KCNMA1: variants seen among roughly 807,000 people sequenced by gnomAD.
The protein encoded by KCNMA1 is potassium calcium-activated channel subfamily M alpha 1.
KCNMA1 carries 29 observed loss-of-function variants against 140.0 expected under a neutral mutation model. The ratio of observed to expected loss-of-function variants is 0.21; its 90% CI spans 0.15 to 0.28. The LOEUF (loss-of-function observed/expected upper bound fraction) is 0.28, where lower values mean the gene tolerates loss of function less well. KCNMA1 is among the 10% of genes least tolerant of loss of function. The pLI is 1.00. For synonymous variants in KCNMA1, 612 were observed against 611.9 expected (o/e 1.00, Z 0.00); for missense variants, 880 against 1,602.2 (o/e 0.55, Z 7.70).
chr10:77,616,833 T>C (rs2089722057), intron 1 of KCNMA1, among the ~76,000 whole-genome samples: 2 of 150,516 alleles, frequency 1.3e-5, no homozygotes, highest in East Asian at 1.9e-4. Context: ...AATTTGATAC[T>C]AGGAACTGTT....
intron 1 of KCNMA1, among the ~76,000 whole-genome samples, chr10:77,563,025 A>G (rs1267491720): frequency 1.3e-5 from 2 of 151,542 alleles, no homozygotes; most frequent in African/African-American, 4.9e-5. Context: ...ATCTCAGCCC[A>G]AAGGTGACTT....
At chr10:77,211,153 G>T (rs906613677) in intron 3 of KCNMA1, among the ~76,000 whole-genome samples, 1 of 151,736 alleles carries the variant, frequency 6.6e-6, no homozygotes, top group African/African-American at 2.4e-5. Context: ...AAAGCTGGAG[G>T]CATCAAACTA....
At chr10:76,940,489 G>A (rs2061664281) in intron 23 of KCNMA1, among the ~76,000 whole-genome samples, 1 of 152,096 alleles carries the variant, frequency 6.6e-6, no homozygotes, top group Non-Finnish European at 1.5e-5. Context: ...TGCATATTCT[G>A]GCCCAAGAGC....
chr10:77,352,159 T>C (rs750135838), intron 2 of KCNMA1, among the ~76,000 whole-genome samples: 1 of 152,210 alleles, frequency 6.6e-6, no homozygotes, highest in Non-Finnish European at 1.5e-5. Flanking sequence ...TCAAATCAGA[T>C]AACAAAATAC....
At chr10:77,101,863 A>T (rs1430292649) in intron 9 of KCNMA1, among the ~76,000 whole-genome samples, 1 of 152,246 alleles carries the variant, frequency 6.6e-6, no homozygotes, top group Non-Finnish European at 1.5e-5. Flanking sequence ...GGCCCAAGTC[A>T]GTATAACATG....
intron 5 of KCNMA1, among the ~76,000 whole-genome samples, chr10:77,137,238 A>C (rs2766618): frequency 0.88 from 133,094 of 152,098 alleles, 58,247 homozygotes; most frequent in Admixed American, 0.92. Context: ...AAACACATCC[A>C]AGCCCATACC....
chr10:77,536,162 T>C (rs763029618), intron 1 of KCNMA1, among the ~76,000 whole-genome samples: 1 of 152,182 alleles, frequency 6.6e-6, no homozygotes, highest in Non-Finnish European at 1.5e-5. Flanking sequence ...CATAAATACA[T>C]AAAACTATTA....
chr10:77,350,925 C>T (rs529649967), intron 2 of KCNMA1, among the ~76,000 whole-genome samples: 164 of 152,274 alleles, frequency 1.1e-3, no homozygotes, highest in African/African-American at 3.8e-3. Context: ...GGGGTGGAGG[C>T]AGAGGTCCAG....
intron 5 of KCNMA1, among the ~76,000 whole-genome samples, chr10:77,136,679 TAGA>T (rs1314161030): frequency 1.3e-5 from 2 of 151,946 alleles, no homozygotes; most frequent in Non-Finnish European, 2.9e-5. Flanking sequence ...AATGAAAAAG[TAGA>T]AGAAAAGCAT....
chr10:77,572,598 ATATAT>A (rs2072003188), intron 1 of KCNMA1, among the ~76,000 whole-genome samples: 2 of 110,514 alleles, frequency 1.8e-5, no homozygotes, highest in African/African-American at 3.6e-5. Flanking sequence ...ATATATATAT[ATATAT>A]AAATTAGCTG....
intron 2 of KCNMA1, among the ~76,000 whole-genome samples, chr10:77,347,241 A>G (rs934675715): frequency 3.9e-5 from 6 of 152,238 alleles, no homozygotes; most frequent in African/African-American, 1.4e-4. Context: ...GGCCTTGTGC[A>G]TGAACCCCAC....
At chr10:76,984,589 C>T (rs1283013893) in intron 19 of KCNMA1, among the ~76,000 whole-genome samples, 3 of 152,202 alleles carry the variant, frequency 2.0e-5, no homozygotes, top group Middle Eastern at 3.4e-3. Flanking sequence ...AATAAAAATG[C>T]CCCTCATTAT....
At chr10:77,039,014 T>C (rs61868818) in intron 15 of KCNMA1, 3 of 185,348 alleles carry the variant, frequency 1.6e-5, no homozygotes, top group South Asian at 1.2e-4. Flanking sequence ...CAGTTGTCTA[T>C]GTGGGGGCTC....
At chr10:77,290,573 G>A (rs1405228781) in intron 2 of KCNMA1, among the ~76,000 whole-genome samples, 1 of 152,182 alleles carries the variant, frequency 6.6e-6, no homozygotes, top group Non-Finnish European at 1.5e-5. Flanking sequence ...TTATTCACGT[G>A]CACAGACCCA....
chr10:77,201,515 C>G (rs1458592813), intron 3 of KCNMA1, among the ~76,000 whole-genome samples: 2 of 152,078 alleles, frequency 1.3e-5, no homozygotes, highest in Non-Finnish European at 2.9e-5. Context: ...GGGAGATGCT[C>G]CAGGCAGCAA....
At chr10:77,073,496 C>T (rs539589680) in intron 13 of KCNMA1, among the ~76,000 whole-genome samples, 1 of 152,152 alleles carries the variant, frequency 6.6e-6, no homozygotes, top group East Asian at 1.9e-4. Context: ...GTCATTTAGC[C>T]AAATAGAGCC....
Position 76,890,182 on chromosome 10 carries a change from G to T in KCNMA1, c.3343-613C>A, listed in dbSNP as rs2151822547. 2.6e-5 allele frequency among the ~76,000 whole-genome samples: 4 copies of T among 152,314 alleles called. No homozygotes were observed. The South Asian group carries it at 8.3e-4, about 32-fold the overall frequency. The stretch of plus-strand genomic sequence containing the variant: ...GCAGGCTGAATAACTAGGATTCGCA[G>T]TTCTGATCAGTTCACAGCCACCTTC... On this transcript the variant is annotated intron_variant, in intron 26 of 27. Transcript: ENST00000286628.
chr10:77,533,779 AG>A (rs1421611779), intron 1 of KCNMA1, among the ~76,000 whole-genome samples: 2 of 152,222 alleles, frequency 1.3e-5, no homozygotes, highest in Admixed American at 1.3e-4. Flanking sequence ...TTGGTAACTC[AG>A]GGCAGAAATA....
At chr10:77,179,104 G>A (rs906422029) in intron 5 of KCNMA1, among the ~76,000 whole-genome samples, 10 of 152,170 alleles carry the variant, frequency 6.6e-5, no homozygotes, top group African/African-American at 1.4e-4. Context: ...CATTAAGCTC[G>A]TATGAAGTAC....
Sources: allele counts gnomAD v4.1 joint callset (sites outside exome capture counted in the v4.1 genomes callset), GRCh38; gene constraint gnomAD v4.1.1; transcripts MANE v1.5; gene names NCBI Gene and HGNC (gene_info 2026-07-23, HGNC 2026-07-21).